Variants in ELP4 observed in about 807,000 individuals in gnomAD.
ELP4 encodes the protein elongator complex protein 4.
ELP4 carries 51 observed loss-of-function variants against 48.9 expected under a neutral mutation model. The ratio of observed to expected loss-of-function variants is 1.04; its 90% confidence interval spans 0.83 to 1.32. The LOEUF is 1.32. ELP4 is among the 40% of genes most tolerant of loss of function. The pLI, the probability that ELP4 is intolerant of heterozygous loss-of-function variation, is 0.00. For missense variants in ELP4, 519 were observed against 514.6 expected, an observed-to-expected ratio of 1.01 and a Z score of -0.08; for synonymous variants, 210 against 189.2, an observed-to-expected ratio of 1.11 and a Z score of -0.90.
chr11:31,657,799 A>T (rs1177272575), intron 9 of ELP4, among the ~76,000 whole-genome samples: 1 of 152,010 alleles, frequency 6.6e-6, no homozygotes, highest in Non-Finnish European at 1.5e-5. Context: ...CTGAAGTCAT[A>T]TGCAGAATAA....
chr11:31,549,062 G>C (rs1230922879), intron 3 of ELP4, among the ~76,000 whole-genome samples: 1 of 152,030 alleles, frequency 6.6e-6, no homozygotes, highest in African/African-American at 2.4e-5. Flanking sequence ...ATACCATTCA[G>C]GACATAGGCA....
intron 9 of ELP4, among the ~76,000 whole-genome samples, chr11:31,682,790 G>C (rs140355976): frequency 6.3e-4 from 96 of 152,268 alleles, no homozygotes; most frequent in African/African-American, 2.0e-3. Context: ...GACTAATAAT[G>C]AGGCAGTTGT....
chr11:31,657,751 T>A (rs1420038484), intron 9 of ELP4, among the ~76,000 whole-genome samples: 1 of 151,962 alleles, frequency 6.6e-6, no homozygotes, highest in African/African-American at 2.4e-5. Context: ...CCCAAAGTCA[T>A]ACATCTGTGG....
chr11:31,783,491 G>C lies in ELP4; in HGVS notation c.1242G>C (p.Met414Ile). 6.2e-7 allele frequency: 1 copy of C among 1,614,134 alleles called. No homozygotes were observed. Among genetic ancestry groups the C allele is most frequent in the Non-Finnish European group, 8.5e-7 (1 of 1,179,976 alleles). ...AGCGGCTGGGCCCAGGCTGTGGCAT[G>C]ATGGCCGGAGGCAAGAAGCACCTGG... ...SAKRLGPGCG[M>I]MAGGKKHLDF Residue 414 changes from methionine (M) to isoleucine (I), a missense_variant, in exon 10 of 10, where the codon ATG becomes ATC. By Grantham distance (10) the Met-to-Ile change is conservative. Transcript: ENST00000640961.
intron 5 of ELP4, among the ~76,000 whole-genome samples, chr11:31,623,408 T>C (rs1356316365): frequency 1.7e-5 from 2 of 116,100 alleles, no homozygotes; most frequent in Non-Finnish European, 3.6e-5. Flanking sequence ...GAAACATTGC[T>C]GGCAAAGAAA....
At position 31,784,983 on chromosome 11, in the gene ELP4, A is replaced by G; in HGVS notation, c.*1459A>G. 5.5e-6 allele frequency: 1 copy of G among 180,536 alleles called. No individual in the cohort carries two copies. The highest frequency in any genetic ancestry group is 6.3e-5 in the Admixed American group (1 of 15,912). The allele number at this position is 180,536 out of a possible 1,614,324, so 11.2% of individuals were successfully genotyped here. On this transcript the variant is annotated 3_prime_UTR_variant, in exon 10 of 10. Coordinates refer to ENST00000640961, the MANE Select transcript of ELP4 (RefSeq NM_019040.5). Reference sequence around the variant, plus strand: ...CAGGTTTCTTATTCTATTTTTTTAGAATGTCGGGTTTATTTTTTTCATTTC... The same window carrying G: ...CAGGTTTCTTATTCTATTTTTTTAGGATGTCGGGTTTATTTTTTTCATTTC...
intron 9 of ELP4, among the ~76,000 whole-genome samples, chr11:31,684,633 G>A (rs1012983702): frequency 1.3e-5 from 2 of 152,156 alleles, no homozygotes; most frequent in Non-Finnish European, 1.5e-5. Flanking sequence ...AGACCCATAC[G>A]TATATGATCA....
chr11:31,539,543 C>A, intron 2 of ELP4, 119 bp from the exon 3 acceptor site: 1 of 989,420 alleles, frequency 1.0e-6, no homozygotes, highest in African/African-American at 1.6e-5. Context: ...TTTTGTTCCA[C>A]CTCATATACT....
At chr11:31,734,722 A>C (rs780797622) in intron 9 of ELP4, among the ~76,000 whole-genome samples, 2 of 152,234 alleles carry the variant, frequency 1.3e-5, no homozygotes, top group Non-Finnish European at 2.9e-5. Context: ...GCAGACATAA[A>C]CAAATGGAAA....
In ELP4 at chr11:31,789,910, T is replaced by C; in HGVS notation, c.*6386T>C. On this transcript the variant is annotated 3_prime_UTR_variant, in exon 10 of 10. Transcript: ENST00000640961. ...GACTGAATTAACACAATATTTCCTT[T>C]CCTTTTTTTTTTTTTTTTTTTTTTT... 2.0e-6 allele frequency: 3 copies of C among 1,489,366 alleles called. No individual in the cohort carries two copies. Among genetic ancestry groups the C allele is most frequent in the South Asian group, 1.2e-5 (1 of 83,020 alleles). 92.3% of individuals were successfully genotyped at this position (1,489,366 alleles called of 1,614,324 possible).
chr11:31,542,123 G>A (rs533348965), intron 3 of ELP4, among the ~76,000 whole-genome samples: 4 of 152,122 alleles, frequency 2.6e-5, no homozygotes, highest in East Asian at 1.9e-4. Flanking sequence ...AACAGTTTTC[G>A]AAACACTTGG....
At chr11:31,656,773 G>T (rs1945444966) in intron 9 of ELP4, among the ~76,000 whole-genome samples, 1 of 151,956 alleles carries the variant, frequency 6.6e-6, no homozygotes, top group African/African-American at 2.4e-5. Flanking sequence ...AAGGGGAAAA[G>T]GTCTCTTCTC....
At chr11:31,653,392 T>C (rs895666850) in intron 9 of ELP4, 1 of 151,798 alleles carries the variant, frequency 6.6e-6, no homozygotes, top group African/African-American at 2.4e-5. Flanking sequence ...TACTTATTCC[T>C]TGATCTTAAC....
chr11:31,600,903 T>C (rs185652576), intron 4 of ELP4, among the ~76,000 whole-genome samples: 19 of 152,292 alleles, frequency 1.2e-4, no homozygotes, highest in Non-Finnish European at 8.8e-5. Flanking sequence ...TTTACCGTTT[T>C]CCTCCTGTAC....
rs539190918 is a variant in ELP4, at chr11:31,686,003, G to GA, written c.1143+35782_1143+35783insA. Reference sequence around the variant, plus strand: ...CACATTAATACGTTTATGTATAAAAGTTATATGTTGAAATTGTCTTTTCAA... The same window carrying GA: ...CACATTAATACGTTTATGTATAAAAGATTATATGTTGAAATTGTCTTTTCAA... On this transcript the variant is annotated intron_variant, in intron 9 of 9. Transcript: ENST00000640961. Among the ~76,000 whole-genome samples, 706 of 151,482 alleles carry GA rather than the reference G, an allele frequency of 4.7e-3. 8 individuals are homozygous for GA. Among genetic ancestry groups the GA allele is most frequent in the African/African-American group, 0.017 (682 of 41,292 alleles).
intron 9 of ELP4, among the ~76,000 whole-genome samples, chr11:31,682,287 A>G (rs966834059): frequency 2.6e-5 from 4 of 152,176 alleles, no homozygotes; most frequent in Admixed American, 6.5e-5. Context: ...TGGCCCATCA[A>G]TAAGACTCAT....
At chr11:31,717,451 T>C (rs1224270917) in intron 9 of ELP4, among the ~76,000 whole-genome samples, 2 of 152,062 alleles carry the variant, frequency 1.3e-5, no homozygotes, top group African/African-American at 4.8e-5. Context: ...AATGTGCAGA[T>C]AGATGGTTAT....
chr11:31,751,438 T>G (rs1161709714), intron 9 of ELP4, among the ~76,000 whole-genome samples: 1 of 152,158 alleles, frequency 6.6e-6, no homozygotes, highest in African/African-American at 2.4e-5. Flanking sequence ...AAAACTTTAC[T>G]GTCAGACAAG....
chr11:31,515,033 G>GTATATA (rs10676705), intron 1 of ELP4, among the ~76,000 whole-genome samples: 3,928 of 133,866 alleles, frequency 0.029, 78 homozygotes, highest in Non-Finnish European at 0.044. Context: ...GTGTGTGTGT[G>GTATATA]TATATATATA....
Sources: allele counts gnomAD v4.1 joint callset (sites outside exome capture counted in the v4.1 genomes callset), GRCh38; gene constraint gnomAD v4.1.1; transcripts MANE v1.5; gene names NCBI Gene and HGNC (gene_info 2026-07-23, HGNC 2026-07-21).